KLHL26: variants seen among roughly 807,000 people sequenced by gnomAD.
The protein encoded by KLHL26 is kelch-like protein 26.
In KLHL26, 4 loss-of-function variants were observed where a neutral mutation model predicts 7.1. The ratio of observed to expected loss-of-function variants is 0.56; its 90% CI spans 0.28 to 1.28. The LOEUF is 1.28. Ranked by LOEUF, KLHL26 falls within the 50% of genes most tolerant of loss-of-function variation. The pLI is 0.11. For missense variants in KLHL26, 896 were observed against 924.6 expected, an observed-to-expected ratio of 0.97 and a Z score of 0.40; for synonymous variants, 465 against 414.1, an observed-to-expected ratio of 1.12 and a Z score of -1.49.
intron 2 of KLHL26, 156 bp from the exon 3 acceptor site, chr19:18,667,508 T>C (rs909696367): frequency 3.0e-6 from 4 of 1,327,152 alleles, no homozygotes; most frequent in Non-Finnish European, 4.0e-6. Context: ...CCGGCCCCTT[T>C]GCATGTTTTT....
rs986162796 is a variant in KLHL26 at position 18,671,586 on chromosome 19, C to T, written c.*2341C>T. The T allele has an allele frequency of 7.9e-5, 12 of 152,296 alleles. No homozygotes were observed. The highest frequency in any genetic ancestry group is 2.0e-4 in the Admixed American group (3 of 15,286). 9.4% of individuals were successfully genotyped at this position (152,296 alleles called of 1,614,324 possible). ...AACCGGATCGATTGTGCATAACCGT[C>T]TAGGCCGGTTCGTGGAATGTTCGTG... On this transcript the variant is annotated 3_prime_UTR_variant, in exon 3 of 3. Transcript: ENST00000300976.
intron 1 of KLHL26, among the ~76,000 whole-genome samples, chr19:18,655,070 A>G (rs1443771824): frequency 2.0e-5 from 3 of 152,148 alleles, no homozygotes; most frequent in African/African-American, 7.2e-5. Flanking sequence ...GAAGACAAAA[A>G]TGGCCCAGGT....
chr19:18,657,275 G>A (rs2052344458), intron 1 of KLHL26, among the ~76,000 whole-genome samples: 1 of 140,842 alleles, frequency 7.1e-6, no homozygotes, highest in Admixed American at 7.1e-5. Flanking sequence ...CATGAGACAG[G>A]GTCATGAGAG....
intron 2 of KLHL26, among the ~76,000 whole-genome samples, chr19:18,666,108 A>G (rs578226468): frequency 2.0e-5 from 3 of 152,340 alleles, no homozygotes; most frequent in East Asian, 3.9e-4. Flanking sequence ...CTCTGCCTTC[A>G]TCGCATCATG....
rs780484824 is a variant in KLHL26 at position 18,668,973 on chromosome 19, G to C, written c.1576G>C (p.Val526Leu). Reference sequence around the variant, plus strand: ...GGACCACGTGGACCGCTGCTTCGACGTGCTGGCTGTGGAGTACTATGTGCC... The same window carrying C: ...GGACCACGTGGACCGCTGCTTCGACCTGCTGGCTGTGGAGTACTATGTGCC... ...RMDHVDRCFDVLAVEYYVPET... is the reference protein window; with the variant it reads ...RMDHVDRCFDLLAVEYYVPET... The change falls in exon 3 of 3, where the codon GTG becomes CTG. Residue 526 changes from valine (V) to leucine (L), a missense_variant. Physicochemically the swap from Val to Leu is conservative, Grantham distance 32. Transcript: ENST00000300976. 7 of 1,612,190 alleles carry C rather than the reference G, an allele frequency of 4.3e-6. No individual in the cohort carries two copies. The South Asian group carries it at 7.7e-5, about 18-fold the overall frequency.
At position 18,668,178 on chromosome 19, in the gene KLHL26, C is replaced by A; in HGVS notation, c.781C>A (p.Leu261Met). 6.2e-7 allele frequency: 1 copy of A among 1,610,792 alleles called. No individual in the cohort carries two copies. Among genetic ancestry groups the A allele is most frequent in the Non-Finnish European group, 8.5e-7 (1 of 1,179,804 alleles). The change falls in exon 3 of 3, where the codon CTG (leucine) becomes ATG (methionine). Residue 261 changes from leucine to methionine, a missense_variant. Transcript: ENST00000300976. ...CTTCCCGCTCATGCAGTCGTCCGAG[C>A]TGGTGGACAGCGTGCAGACGCTGGA... ...IRFPLMQSSE[L>M]VDSVQTLDIM... is the part of the protein sequence containing the mutation.
At position 18,650,227 on chromosome 19, in the gene KLHL26, C is replaced by T. The variant is rs1169966450; in HGVS notation, c.83+13090C>T. On this transcript the variant is annotated intron_variant, in intron 1 of 2. Transcript: ENST00000300976. The surrounding 1 kb of genome is among the most constrained non-coding windows in gnomAD (Gnocchi z 4.2). ...GGCTGGATATCCGGAGAGTTCTGCT[C>T]TCCACGGGATGTTAGAATTTGAGGC... 1.3e-5 allele frequency among the ~76,000 whole-genome samples: 2 copies of T among 152,204 alleles called. No individual in the cohort carries two copies. Among genetic ancestry groups the T allele is most frequent in the African/African-American group, 4.8e-5 (2 of 41,458 alleles).
At chr19:18,664,205 G>T in intron 1 of KLHL26, 56 bp from the exon 2 acceptor site, 1 of 1,485,888 alleles carries the variant, frequency 6.7e-7, no homozygotes, top group Non-Finnish European at 9.1e-7. Context: ...TGTGTTCAAG[G>T]TAATAGTGTG....
intron 1 of KLHL26, among the ~76,000 whole-genome samples, chr19:18,651,542 T>C (rs2052257040): frequency 6.6e-6 from 1 of 152,190 alleles, no homozygotes; most frequent in African/African-American, 2.4e-5. Context: ...AATGAAGATA[T>C]TCATGACAGA....
chr19:18,665,411 AT>A (rs1329258072), intron 2 of KLHL26, among the ~76,000 whole-genome samples: 4 of 152,204 alleles, frequency 2.6e-5, no homozygotes, highest in Non-Finnish European at 4.4e-5. Flanking sequence ...AGTCCTTGGG[AT>A]GCAGCAGGGA....
rs976852539 is a variant in KLHL26 at position 18,650,124 on chromosome 19, G to C, written c.83+12987G>C. ...CCTGGAGGGGGGTCACCCGAGGATC[G>C]AGGCCGAAGATGTTTACTGACGCCA... is the stretch of plus-strand genomic sequence containing the variant. On this transcript the variant is annotated intron_variant, in intron 1 of 2. Transcript: ENST00000300976. This position sits in a 1 kb window ranked among gnomAD's most constrained non-coding sequence, Gnocchi z 4.2. Among the ~76,000 whole-genome samples, 1 of 152,178 alleles carries C rather than the reference G, an allele frequency of 6.6e-6. No individual in the cohort carries two copies.
At position 18,671,287 on chromosome 19, in the gene KLHL26, G is replaced by C. The variant is rs1600718168; in HGVS notation, c.*2042G>C. On this transcript the variant is annotated 3_prime_UTR_variant, in exon 3 of 3. Coordinates refer to ENST00000300976, the MANE Select transcript of KLHL26 (RefSeq NM_018316.3). ...TGAGGGGGTGGGCAGTGCTAAAATA[G>C]GAACATGGTTGGGAACCTAAAAGAA... 6.6e-6 allele frequency: 1 copy of C among 152,216 alleles called. No individual in the cohort carries two copies. The highest frequency in any genetic ancestry group is 1.5e-5 in the Non-Finnish European group (1 of 68,036). 9.4% of individuals were successfully genotyped at this position (152,216 alleles called of 1,614,324 possible). A position where few individuals can be genotyped will look rare whatever the true frequency, so the allele number is the denominator to read the frequency against.
At position 18,667,704 on chromosome 19, in the gene KLHL26, G is replaced by C. The variant is rs144914430; in HGVS notation, c.307G>C (p.Val103Leu). ...TGGMREASQD[V>L]IELKGVSARG... Reference sequence around the variant, plus strand: ...CGGCATGCGGGAGGCAAGCCAGGACGTCATCGAGCTGAAGGGCGTGTCGGC... The same window carrying C: ...CGGCATGCGGGAGGCAAGCCAGGACCTCATCGAGCTGAAGGGCGTGTCGGC... Residue 103 changes from valine to leucine, a missense_variant, in exon 3 of 3, where the codon GTC becomes CTC. By Grantham distance (32) the Val-to-Leu change is conservative (BLOSUM62 1). Coordinates refer to ENST00000300976, the MANE Select transcript of KLHL26 (RefSeq NM_018316.3). The C allele has an allele frequency of 4.4e-5, 71 of 1,612,978 alleles. No individual in the cohort carries two copies. In the African/African-American group the frequency reaches 8.7e-4, roughly 20 times the overall value.
intron 1 of KLHL26, among the ~76,000 whole-genome samples, chr19:18,662,230 G>A (rs774583418): frequency 4.6e-5 from 7 of 152,132 alleles, no homozygotes; most frequent in South Asian, 2.1e-4. Context: ...ATCCCTCCCC[G>A]CAAATCTCCT....
chr19:18,668,559 C>G lies in KLHL26; in HGVS notation c.1162C>G (p.Pro388Ala). 6.3e-7 allele frequency: 1 copy of G among 1,594,462 alleles called. No individual in the cohort carries two copies. The highest frequency in any genetic ancestry group is 1.1e-5 in the South Asian group (1 of 90,628). Residue 388 changes from proline (P) to alanine (A), a missense_variant, in exon 3 of 3, where the codon CCC becomes GCC. Transcript: ENST00000300976. ...GAVDACYRYD[P>A]HLNRWLRLQA... ...AGTGGACGCCTGCTACCGCTACGAC[C>G]CCCACCTGAATCGCTGGCTGCGCCT...
chr19:18,637,205 G>A (rs1976634791), intron 1 of KLHL26, 68 bp downstream of exon 1: 1 of 1,254,112 alleles, frequency 8.0e-7, no homozygotes, highest in Non-Finnish European at 1.0e-6. Context: ...GGCAGTCTTG[G>A]GCGTCCTGAG....
rs757200840 is a variant in KLHL26, at chr19:18,667,975, T to G, written c.578T>G (p.Leu193Arg). The change falls in exon 3 of 3, where the codon CTG becomes CGG. Residue 193 changes from leucine (L) to arginine (R), a missense_variant. By Grantham distance (102) the Leu-to-Arg change is moderately radical (BLOSUM62 -2). Transcript: ENST00000300976. ...SVDAFTFRHF[L>R]QIAEEEDFLR... ...GATGCCTTCACCTTCCGGCACTTCCTGCAGATCGCCGAGGAGGAGGATTTC... is the reference window on the plus strand; with the variant it reads ...GATGCCTTCACCTTCCGGCACTTCCGGCAGATCGCCGAGGAGGAGGATTTC... The G allele has an allele frequency of 3.7e-6, 6 of 1,608,670 alleles. No homozygotes were observed. In the South Asian group the frequency reaches 6.6e-5, roughly 18 times the overall value.
intron 1 of KLHL26, among the ~76,000 whole-genome samples, chr19:18,651,769 A>C (rs937166550): frequency 6.6e-6 from 1 of 152,236 alleles, no homozygotes; most frequent in African/African-American, 2.4e-5. Context: ...CAGTGCTAGA[A>C]TTTCACTGGG....
At position 18,651,746 on chromosome 19, in the gene KLHL26, T is replaced by C. The variant is rs572362196; in HGVS notation, c.84-12515T>C. On this transcript the variant is annotated intron_variant, in intron 1 of 2. Transcript: ENST00000300976. Reference sequence around the variant, plus strand: ...CTTGCAGCACGTTACCACCCCGACATGCTAGAATTCAGCAGTGCTAGAATT... The same window carrying C: ...CTTGCAGCACGTTACCACCCCGACACGCTAGAATTCAGCAGTGCTAGAATT... Among the ~76,000 whole-genome samples, 241 of 152,368 alleles carry C rather than the reference T, an allele frequency of 1.6e-3. 1 individual carries two copies. Among genetic ancestry groups the C allele is most frequent in the Admixed American group, 5.2e-3 (80 of 15,312 alleles).
Sources: gnomAD v4.1 joint callset for allele counts (sites outside exome capture counted in the v4.1 genomes callset) on GRCh38, gnomAD v4.1.1 for gene constraint, Gnocchi (gnomAD v3.1) non-coding constraint, MANE v1.5 for transcripts, NCBI Gene and HGNC (gene_info 2026-07-23, HGNC 2026-07-21) for gene names.